Variants in POLR3G observed in about 807,000 individuals in gnomAD.
POLR3G encodes the protein DNA-directed RNA polymerase III subunit RPC7.
A neutral mutation model predicts 30.1 loss-of-function variants in POLR3G; 28 were observed. The ratio of observed to expected loss-of-function variants is 0.93; its 90% CI spans 0.69 to 1.27. The LOEUF is 1.27. POLR3G is among the 50% of genes most tolerant of loss of function. The probability of loss-of-function intolerance (pLI) is 0.00; values close to 1 mark genes in which losing one functional copy is unlikely to be tolerated. For missense variants in POLR3G, 254 were observed against 264.6 expected, an observed-to-expected ratio of 0.96 and a Z score of 0.28; for synonymous variants, 79 against 82.5, an observed-to-expected ratio of 0.96 and a Z score of 0.23.
intron 6 of POLR3G, 140 bp from the exon 7 acceptor site, chr5:90,506,386 CAT>C: frequency 8.6e-7 from 1 of 1,165,956 alleles, no homozygotes. Flanking sequence ...TGAGTTGACT[CAT>C]AGTTTCCTAG....
chr5:90,497,486 G>A (rs1463278510), intron 4 of POLR3G, among the ~76,000 whole-genome samples, 170 bp from the exon 5 acceptor site: 1 of 152,100 alleles, frequency 6.6e-6, no homozygotes. Context: ...ATCATTGTCT[G>A]TAATATTTGG....
chr5:90,502,799 TC>T (rs1347358261), intron 6 of POLR3G, among the ~76,000 whole-genome samples: 2 of 91,514 alleles, frequency 2.2e-5, no homozygotes, highest in African/African-American at 1.0e-4. Context: ...AGTTACCTCA[TC>T]CTTCTTTTTT....
At chr5:90,483,853 G>C (rs979254813) in intron 1 of POLR3G, among the ~76,000 whole-genome samples, 7 of 152,144 alleles carry the variant, frequency 4.6e-5, no homozygotes, top group Non-Finnish European at 8.8e-5. Context: ...GCCACATCCT[G>C]AGTGTTACAT....
At chr5:90,491,321 C>G (rs76520873) in intron 3 of POLR3G, among the ~76,000 whole-genome samples, 3,728 of 152,256 alleles carry the variant, frequency 0.024, 72 homozygotes, top group Non-Finnish European at 0.037. Context: ...GTTCCCAGCT[C>G]AGGTTCCTGA....
intron 2 of POLR3G, among the ~76,000 whole-genome samples, 160 bp downstream of exon 2, chr5:90,485,844 T>C (rs1377365661): frequency 1.3e-5 from 2 of 152,220 alleles, no homozygotes; most frequent in African/African-American, 4.8e-5. Flanking sequence ...CATGATCTGC[T>C]TTCTTAAAAT....
chr5:90,510,455 C>T (rs1234251362), intron 7 of POLR3G, among the ~76,000 whole-genome samples: 2 of 152,106 alleles, frequency 1.3e-5, no homozygotes, highest in Non-Finnish European at 2.9e-5. Context: ...GGAGGAGGTA[C>T]TCATGTCTAA....
At chr5:90,508,371 T>C (rs1752588039) in intron 7 of POLR3G, among the ~76,000 whole-genome samples, 1 of 151,972 alleles carries the variant, frequency 6.6e-6, no homozygotes, top group Admixed American at 6.6e-5. Flanking sequence ...TTTATCCTAT[T>C]TGGGGCTAAC....
intron 3 of POLR3G, among the ~76,000 whole-genome samples, chr5:90,492,724 TA>T (rs1212394785): frequency 6.6e-6 from 1 of 151,650 alleles, no homozygotes; most frequent in Non-Finnish European, 1.5e-5. Context: ...CTACTAAAAA[TA>T]CAAAAAATTA....
chr5:90,508,231 T>TGATA (rs1201874601), intron 7 of POLR3G, among the ~76,000 whole-genome samples: 4 of 152,232 alleles, frequency 2.6e-5, no homozygotes, highest in Non-Finnish European at 4.4e-5. Context: ...TCTTAGCAGG[T>TGATA]GATAATACCT....
chr5:90,491,796 C>G (rs993746458), intron 3 of POLR3G, among the ~76,000 whole-genome samples: 2 of 151,890 alleles, frequency 1.3e-5, no homozygotes, highest in African/African-American at 4.8e-5. Flanking sequence ...ATCAGACATT[C>G]CCCACTATGC....
intron 1 of POLR3G, among the ~76,000 whole-genome samples, chr5:90,476,622 A>C (rs1305007812): frequency 6.6e-6 from 1 of 152,224 alleles, no homozygotes; most frequent in East Asian, 1.9e-4. Flanking sequence ...CCATGAGCTC[A>C]GCAATAATTT....
chr5:90,482,713 C>G (rs1431335874), intron 1 of POLR3G, among the ~76,000 whole-genome samples: 2 of 152,200 alleles, frequency 1.3e-5, no homozygotes, highest in Admixed American at 6.5e-5. Context: ...ACTGACTCTT[C>G]TGATCTTGTG....
intron 1 of POLR3G, among the ~76,000 whole-genome samples, chr5:90,483,424 C>T (rs753613115): frequency 7.8e-4 from 118 of 152,204 alleles, no homozygotes; most frequent in Non-Finnish European, 1.3e-3. Flanking sequence ...AAACAGGAAA[C>T]GATGTTTCAT....
At chr5:90,508,207 A>G (rs546137315) in intron 7 of POLR3G, among the ~76,000 whole-genome samples, 10 of 152,104 alleles carry the variant, frequency 6.6e-5, no homozygotes, top group Admixed American at 1.3e-4. Flanking sequence ...TTTGTTTACT[A>G]CCTTTTCTTT....
intron 6 of POLR3G, among the ~76,000 whole-genome samples, chr5:90,505,430 C>G (rs968357473): frequency 1.3e-5 from 2 of 152,076 alleles, no homozygotes; most frequent in Admixed American, 6.5e-5. Flanking sequence ...AAATAAGTCA[C>G]TTTTTATTAA....
intron 3 of POLR3G, among the ~76,000 whole-genome samples, chr5:90,493,524 A>C (rs1751835550): frequency 6.6e-6 from 1 of 152,070 alleles, no homozygotes; most frequent in African/African-American, 2.4e-5. Context: ...CTGGGATTAC[A>C]TCCTGAGCCA....
intron 1 of POLR3G, among the ~76,000 whole-genome samples, chr5:90,477,741 TGGACGAAACGCGCAAAGCAAA>T (rs1750907786): frequency 6.6e-6 from 1 of 152,130 alleles, no homozygotes; most frequent in South Asian, 2.1e-4. Flanking sequence ...AACAAAGAAT[TGGACGAAACGCGCAAAGCAAA>T]GAAAGAATGA....
intron 6 of POLR3G, among the ~76,000 whole-genome samples, chr5:90,503,784 A>G (rs954563557): frequency 6.6e-6 from 1 of 152,178 alleles, no homozygotes; most frequent in African/African-American, 2.4e-5. Flanking sequence ...AAATCTCATG[A>G]TTAATGTGTG....
chr5:90,479,783 T>G (rs1299100793), intron 1 of POLR3G, among the ~76,000 whole-genome samples: 1 of 152,092 alleles, frequency 6.6e-6, no homozygotes, highest in East Asian at 1.9e-4. Context: ...GACATGACTA[T>G]AGTGAGTCAG....
Sources: gnomAD v4.1 joint callset for allele counts (sites outside exome capture counted in the v4.1 genomes callset) on GRCh38, gnomAD v4.1.1 for gene constraint, MANE v1.5 for transcripts, NCBI Gene and HGNC (gene_info 2026-07-23, HGNC 2026-07-21) for gene names.